The following NCKAP1L variants were observed in gnomAD, a reference collection of about 807,000 sequenced individuals.
NCKAP1L encodes NCK associated protein 1 like.
In NCKAP1L, 53 loss-of-function variants were observed where a neutral mutation model predicts 139.2. The observed-to-expected ratio is 0.38, with a 90% CI of 0.31 to 0.48. The LOEUF (loss-of-function observed/expected upper bound fraction) is 0.48. Among genes scored for constraint, NCKAP1L ranks in the 20% least tolerant of loss-of-function variants. The pLI, the probability that NCKAP1L is intolerant of heterozygous loss-of-function variation, is 0.98. For synonymous variants in NCKAP1L, 468 were observed against 499.7 expected (o/e 0.94, Z 0.85); for missense variants, 1,151 against 1,381.9 (o/e 0.83, Z 2.65).
At chr12:54,538,290 A>G (rs1036872081) in intron 29 of NCKAP1L, among the ~76,000 whole-genome samples, 13 of 152,162 alleles carry the variant, frequency 8.5e-5, no homozygotes, top group Non-Finnish European at 1.3e-4. Flanking sequence ...GAGGATTCAC[A>G]CCAGATCTCT....
chr12:54,497,770 C>T lies in NCKAP1L; in HGVS notation c.-20C>T, dbSNP rs774049885. The T allele has an allele frequency of 2.8e-5, 36 of 1,302,738 alleles. No homozygotes were observed. The highest frequency in any genetic ancestry group is 3.9e-5 in the Non-Finnish European group (35 of 896,624). The allele number at this position is 1,302,738 out of a possible 1,614,324, so 80.7% of individuals were successfully genotyped here. ...GGAGATCAGACATTGCTGTCTGGTGCTCCTCTCTCAGTGGCCATCATGTCT... is the reference window on the plus strand; with the variant it reads ...GGAGATCAGACATTGCTGTCTGGTGTTCCTCTCTCAGTGGCCATCATGTCT... On this transcript the variant is annotated 5_prime_UTR_variant, in exon 1 of 31. Coordinates refer to ENST00000293373, the MANE Select transcript of NCKAP1L (RefSeq NM_005337.5).
At chr12:54,520,878 C>G (rs146988351) in intron 17 of NCKAP1L, 52 bp downstream of exon 17, 13 of 1,609,168 alleles carry the variant, frequency 8.1e-6, no homozygotes, top group Non-Finnish European at 1.1e-5. Flanking sequence ...TCATCCTTAT[C>G]ACCCAAAACA....
intron 9 of NCKAP1L, among the ~76,000 whole-genome samples, chr12:54,514,066 C>T (rs534957504): frequency 1.7e-4 from 25 of 150,940 alleles, no homozygotes; most frequent in African/African-American, 5.4e-4. Context: ...AGCAATGGAG[C>T]CACACTCTAT....
rs761290763 is a variant in NCKAP1L at position 54,517,677 on chromosome 12, A to G, written c.1205+35A>G. On this transcript the variant is annotated intron_variant, in intron 12 of 30. Coordinates refer to ENST00000293373, the MANE Select transcript of NCKAP1L (RefSeq NM_005337.5). ...TGACATGGCTAAGAACCTTGTCCTTAGATGGACTGGGGACAGGGAGGCATC... is the reference window on the plus strand; with the variant it reads ...TGACATGGCTAAGAACCTTGTCCTTGGATGGACTGGGGACAGGGAGGCATC... 102 of 1,585,954 alleles carry G rather than the reference A, an allele frequency of 6.4e-5. No homozygotes were observed. The Admixed American group carries it at 1.7e-3, about 26-fold the overall frequency.
At chr12:54,523,239 G>A (rs1235259357) in intron 18 of NCKAP1L, among the ~76,000 whole-genome samples, 155 bp from the exon 19 acceptor site, 1 of 152,122 alleles carries the variant, frequency 6.6e-6, no homozygotes, top group Non-Finnish European at 1.5e-5. Flanking sequence ...TTCTGAATAG[G>A]CCCCCATTAA....
Position 54,542,630 on chromosome 12 carries a change from A to AG in NCKAP1L, c.3329_3330insG (p.Tyr1110Ter). 1 of 1,614,020 alleles carries AG rather than the reference A, an allele frequency of 6.2e-7. No homozygotes were observed. The highest frequency in any genetic ancestry group is 8.5e-7 in the Non-Finnish European group (1 of 1,179,998). Residue 1110 changes from tyrosine (Y) to a stop codon, truncating the protein, a stop_gained and frameshift_variant, in exon 31 of 31, where the codon TAT (tyrosine) becomes TAGT (stop). Coordinates refer to ENST00000293373, the MANE Select transcript of NCKAP1L (RefSeq NM_005337.5). LOFTEE classifies it high-confidence loss of function. ...TLDMLESCFPYVLLRNAYREV... is the reference protein window; with the variant it reads ...TLDMLESCFP Reference sequence around the variant, plus strand: ...GACATGCTGGAGTCCTGTTTCCCTTATGTCCTGCTTCGAAATGCCTATCGG... The same window carrying AG: ...GACATGCTGGAGTCCTGTTTCCCTTAGTGTCCTGCTTCGAAATGCCTATCGG...
At position 54,517,931 on chromosome 12, in the gene NCKAP1L, T is replaced by A. The variant is rs767286903; in HGVS notation, c.1331T>A (p.Ile444Asn). Residue 444 changes from isoleucine to asparagine, a missense_variant, in exon 13 of 31, where the codon ATC becomes AAC. Ile to Asn is a moderately radical substitution (Grantham distance 149). Transcript: ENST00000293373. ...TTTGATGCTCTTGTGCTCAGTGACA[T>A]CATTCAGGTATGATATTTAATTGAT... ...ARFDALVLSDIIQNLSVCPEE... is the reference protein window; with the variant it reads ...ARFDALVLSDNIQNLSVCPEE... 6.2e-7 allele frequency: 1 copy of A among 1,614,184 alleles called. No homozygotes were observed. The highest frequency in any genetic ancestry group is 1.1e-5 in the South Asian group (1 of 91,076).
Position 54,497,804 on chromosome 12 carries a change from T to C in NCKAP1L, c.15T>C (p.Ser5=). The change falls in exon 1 of 31, where the codon TCT becomes TCC. Residue 5 remains serine (S), a synonymous_variant. Transcript: ENST00000293373. MSLT[S]AYQHKLAEKL... ...CAGTGGCCATCATGTCTTTGACATC[T>C]GCTTACCAGCATAAATTAGCAGAGA... The C allele has an allele frequency of 6.2e-7, 1 of 1,612,768 alleles. No individual in the cohort carries two copies. Among genetic ancestry groups the C allele is most frequent in the Non-Finnish European group, 8.5e-7 (1 of 1,178,746 alleles).
chr12:54,516,472 A>T, intron 10 of NCKAP1L, among the ~76,000 whole-genome samples, 177 bp downstream of exon 10: 2 of 147,506 alleles, frequency 1.4e-5, no homozygotes, highest in African/African-American at 2.5e-5. Context: ...TTTGAGACAG[A>T]GTCTCGCTCT....
chr12:54,536,423 GC>G lies in NCKAP1L; in HGVS notation c.3073+180del. The G allele has an allele frequency of 5.9e-6, 3 of 512,394 alleles. No individual in the cohort carries two copies. The South Asian group carries it at 6.1e-5, about 10-fold the overall frequency. The allele number at this position is 512,394 out of a possible 1,614,324, so 31.7% of individuals were successfully genotyped here. On this transcript the variant is annotated intron_variant, in intron 28 of 30. Transcript: ENST00000293373. ...GCCTGTAATCCTAGCACTTTGGGAG[GC>G]CAAGGTGAGGTGGGTAGATCACTTG...
At chr12:54,513,479 C>T (rs1372486189) in intron 9 of NCKAP1L, among the ~76,000 whole-genome samples, 1 of 151,962 alleles carries the variant, frequency 6.6e-6, no homozygotes. Flanking sequence ...GGAGTGAGAA[C>T]AGAATGGGAA....
At chr12:54,523,066 A>C (rs909567005) in intron 18 of NCKAP1L, among the ~76,000 whole-genome samples, 4 of 152,178 alleles carry the variant, frequency 2.6e-5, no homozygotes, top group Admixed American at 1.3e-4. Flanking sequence ...ACTGAGTGGG[A>C]CTTTTAGATC....
At position 54,547,405 on chromosome 12, in the gene NCKAP1L, A is replaced by G. The variant is rs1026122280; in HGVS notation, c.*4720A>G. 1 of 151,966 alleles carries G rather than the reference A, an allele frequency of 6.6e-6. No homozygotes were observed. The highest frequency in any genetic ancestry group is 6.6e-5 in the Admixed American group (1 of 15,242). 9.4% of individuals were successfully genotyped at this position (151,966 alleles called of 1,614,324 possible). On this transcript the variant is annotated 3_prime_UTR_variant, in exon 31 of 31. Transcript: ENST00000293373. ...ATTTTTATTTTTACTTTTTCCATCAAACTGTGTTGTCTATGAAGTTTTCCC... is the reference window on the plus strand; with the variant it reads ...ATTTTTATTTTTACTTTTTCCATCAGACTGTGTTGTCTATGAAGTTTTCCC...
intron 13 of NCKAP1L, among the ~76,000 whole-genome samples, chr12:54,518,258 C>T (rs945172843): frequency 7.2e-5 from 11 of 151,782 alleles, no homozygotes; most frequent in Admixed American, 6.6e-4. Context: ...AGGAGAACGG[C>T]GTGAACCCGA....
In NCKAP1L at chr12:54,547,786, G is replaced by A. The variant is rs1472635162; in HGVS notation, c.*5101G>A. On this transcript the variant is annotated 3_prime_UTR_variant, in exon 31 of 31. Coordinates refer to ENST00000293373, the MANE Select transcript of NCKAP1L (RefSeq NM_005337.5). Reference sequence around the variant, plus strand: ...GCCCATTTCATTTTCAGTTGATAAGGAGGAGATTGCTCCCAAATTTTCAGA... The same window carrying A: ...GCCCATTTCATTTTCAGTTGATAAGAAGGAGATTGCTCCCAAATTTTCAGA... The A allele has an allele frequency of 6.6e-6, 1 of 152,158 alleles. No homozygotes were observed. Among genetic ancestry groups the A allele is most frequent in the South Asian group, 2.1e-4 (1 of 4,826 alleles). 9.4% of individuals were successfully genotyped at this position (152,158 alleles called of 1,614,324 possible).
At chr12:54,528,085 T>A (rs1026081851) in intron 21 of NCKAP1L, among the ~76,000 whole-genome samples, 162 bp from the exon 22 acceptor site, 1 of 152,162 alleles carries the variant, frequency 6.6e-6, no homozygotes, top group African/African-American at 2.4e-5. Flanking sequence ...ATCCATCAGC[T>A]TGGGGTGTTA....
rs779672813 is a variant in NCKAP1L, at chr12:54,519,259, A to G, written c.1552A>G (p.Ile518Val). Reference protein sequence around the residue: ...NPDLAKVMNLIVFHSRMLDSV... With the variant: ...NPDLAKVMNLVVFHSRMLDSV... The stretch of plus-strand genomic sequence containing the variant: ...TGACTTAGCCAAGGTGATGAACCTC[A>G]TTGTCTTCCACTCCCGAATGCTGGA... The change falls in exon 16 of 31, where the codon ATT becomes GTT. Residue 518 changes from isoleucine (I) to valine (V), a missense_variant. By Grantham distance (29) the Ile-to-Val change is conservative. Coordinates refer to ENST00000293373, the MANE Select transcript of NCKAP1L (RefSeq NM_005337.5). The G allele has an allele frequency of 5.0e-6, 8 of 1,590,974 alleles. No individual in the cohort carries two copies. The highest frequency in any genetic ancestry group is 6.0e-6 in the Non-Finnish European group (7 of 1,173,676).
At chr12:54,536,907 C>T (rs533907542) in intron 28 of NCKAP1L, 37 bp from the exon 29 acceptor site, 3 of 1,463,692 alleles carry the variant, frequency 2.0e-6, no homozygotes, top group African/African-American at 2.8e-5. Flanking sequence ...TTGTCATTTC[C>T]TCTTTTTTCT....
chr12:54,512,628 T>G (rs1261617983), intron 9 of NCKAP1L: 1 of 154,734 alleles, frequency 6.5e-6, no homozygotes, highest in African/African-American at 2.4e-5. Context: ...AATTGTTTGA[T>G]AGAGTAAGAG....
Sources: allele counts gnomAD v4.1 joint callset (sites outside exome capture counted in the v4.1 genomes callset), GRCh38; gene constraint gnomAD v4.1.1; transcripts MANE v1.5; gene names NCBI Gene and HGNC (gene_info 2026-07-23, HGNC 2026-07-21).